The following DYM variants were observed in gnomAD, a reference collection of about 807,000 sequenced individuals.
DYM encodes the protein dymeclin.
In DYM, 78 loss-of-function variants were observed where a neutral mutation model predicts 93.1. The observed-to-expected ratio is 0.84, with a 90% CI of 0.70 to 1.01. The LOEUF is 1.01. Among genes scored for constraint, DYM ranks in the 50% least tolerant of loss-of-function variants. The probability of loss-of-function intolerance (pLI) is 0.00; values close to 1 mark genes in which losing one functional copy is unlikely to be tolerated. For missense variants in DYM, 789 were observed against 845.0 expected, an observed-to-expected ratio of 0.93 and a Z score of 0.82; for synonymous variants, 321 against 319.7, an observed-to-expected ratio of 1.00 and a Z score of -0.04.
intron 8 of DYM, among the ~76,000 whole-genome samples, chr18:49,287,298 G>A (rs1451248799): frequency 1.3e-5 from 2 of 150,384 alleles, no homozygotes; most frequent in Non-Finnish European, 3.0e-5. Flanking sequence ...TAAAAAATAT[G>A]GTCATCTCGA....
intron 8 of DYM, among the ~76,000 whole-genome samples, chr18:49,289,764 T>A (rs1279605320): frequency 2.1e-5 from 1 of 48,472 alleles, no homozygotes; most frequent in African/African-American, 8.2e-5. Flanking sequence ...TATATATATA[T>A]ATATATATAC....
At chr18:49,260,151 A>G (rs530275106) in intron 11 of DYM, among the ~76,000 whole-genome samples, 2 of 152,214 alleles carry the variant, frequency 1.3e-5, no homozygotes, top group Non-Finnish European at 2.9e-5. Flanking sequence ...TGATGTCTGT[A>G]TTCCCAGCAC....
intron 17 of DYM, among the ~76,000 whole-genome samples, chr18:49,067,210 G>GTGT (rs1568365790): frequency 9.6e-4 from 43 of 44,644 alleles, no homozygotes; most frequent in South Asian, 1.5e-3. Flanking sequence ...GGTGATGTGA[G>GTGT]CACTATGCAG....
chr18:49,425,222 C>T (rs1203300516), intron 2 of DYM, among the ~76,000 whole-genome samples: 1 of 151,974 alleles, frequency 6.6e-6, no homozygotes, highest in Non-Finnish European at 1.5e-5. Flanking sequence ...CAGAACAGAG[C>T]CCTCAGAAAT....
intron 17 of DYM, among the ~76,000 whole-genome samples, chr18:49,071,481 G>A (rs2076885914): frequency 6.6e-6 from 1 of 152,246 alleles, no homozygotes; most frequent in African/African-American, 2.4e-5. Flanking sequence ...TCCCCGTGAT[G>A]AACAGAGAAG....
At chr18:49,326,648 A>AG (rs1410639386) in intron 8 of DYM, among the ~76,000 whole-genome samples, 2 of 152,172 alleles carry the variant, frequency 1.3e-5, no homozygotes, top group Admixed American at 1.3e-4. Flanking sequence ...GAAGGAAGAG[A>AG]GGTGGATCCT....
intron 15 of DYM, among the ~76,000 whole-genome samples, chr18:49,150,224 A>C (rs759783200): frequency 6.6e-6 from 1 of 152,230 alleles, no homozygotes; most frequent in Non-Finnish European, 1.5e-5. Context: ...ATGAAACTTA[A>C]GAGAGATCAT....
chr18:49,174,702 G>C (rs1298413563), intron 14 of DYM, among the ~76,000 whole-genome samples: 1 of 152,126 alleles, frequency 6.6e-6, no homozygotes, highest in Non-Finnish European at 1.5e-5. Context: ...AACTAGAAAG[G>C]GTGAGAAAGC....
chr18:49,402,165 A>T (rs546807396), intron 2 of DYM, among the ~76,000 whole-genome samples: 1 of 152,330 alleles, frequency 6.6e-6, no homozygotes, highest in East Asian at 1.9e-4. Flanking sequence ...GACAACTGTC[A>T]TCAACCTCAA....
At chr18:49,104,200 T>G (rs1207486045) in intron 16 of DYM, among the ~76,000 whole-genome samples, 2 of 152,184 alleles carry the variant, frequency 1.3e-5, no homozygotes, top group African/African-American at 4.8e-5. Flanking sequence ...CACTCATGAT[T>G]TGGCTCTCTG....
chr18:49,233,020 G>T (rs542308650), intron 13 of DYM, among the ~76,000 whole-genome samples: 5 of 152,120 alleles, frequency 3.3e-5, no homozygotes, highest in Non-Finnish European at 7.4e-5. Context: ...TACATGGATT[G>T]GTTACAAACT....
chr18:49,426,680 T>C (rs527676682), intron 2 of DYM, among the ~76,000 whole-genome samples: 2 of 151,402 alleles, frequency 1.3e-5, no homozygotes, highest in African/African-American at 2.4e-5. Flanking sequence ...AATAAAACCA[T>C]AAGGACCACT....
intron 5 of DYM, among the ~76,000 whole-genome samples, chr18:49,372,777 T>A (rs1192799243): frequency 1.3e-5 from 2 of 151,862 alleles, no homozygotes; most frequent in Non-Finnish European, 2.9e-5. Flanking sequence ...AATCCTGAAC[T>A]GTCAACTCTG....
At chr18:49,457,268 C>A (rs546110914) in intron 1 of DYM, among the ~76,000 whole-genome samples, 2 of 152,164 alleles carry the variant, frequency 1.3e-5, no homozygotes, top group Non-Finnish European at 2.9e-5. Flanking sequence ...GAGTCCCTGC[C>A]TTCTCATCCT....
chr18:49,041,933 C>T lies in DYM; in HGVS notation c.*2122G>A, dbSNP rs1239510778. On this transcript the variant is annotated 3_prime_UTR_variant, in exon 18 of 18. Transcript: ENST00000675505. ...CAGACTCAGAGGACAGTTCTGTGGT[C>T]CTGCCAGAAGCTCAGCTGTTCCACA... is the stretch of plus-strand genomic sequence containing the variant. 2.6e-5 allele frequency: 4 copies of T among 152,156 alleles called. No individual in the cohort carries two copies. The highest frequency in any genetic ancestry group is 5.9e-5 in the Non-Finnish European group (4 of 68,036). 9.4% of individuals were successfully genotyped at this position (152,156 alleles called of 1,614,324 possible).
chr18:49,221,568 A>C (rs976641746), intron 13 of DYM, among the ~76,000 whole-genome samples: 12 of 152,230 alleles, frequency 7.9e-5, no homozygotes, highest in African/African-American at 2.4e-4. Context: ...ATGGAATACT[A>C]TGCAGCCATA....
intron 2 of DYM, among the ~76,000 whole-genome samples, 171 bp downstream of exon 2, chr18:49,430,084 A>C (rs987804881): frequency 6.6e-6 from 1 of 152,214 alleles, no homozygotes; most frequent in African/African-American, 2.4e-5. Context: ...AGTTGGGTAA[A>C]AAGAAAAGCT....
chr18:49,213,947 A>G (rs2092913654), intron 13 of DYM, among the ~76,000 whole-genome samples: 1 of 152,246 alleles, frequency 6.6e-6, no homozygotes, highest in Admixed American at 6.5e-5. Flanking sequence ...TTAAGAATGC[A>G]ATTATCCTTC....
At chr18:49,163,174 ATTTT>A (rs1209605691) in intron 15 of DYM, among the ~76,000 whole-genome samples, 2 of 151,978 alleles carry the variant, frequency 1.3e-5, no homozygotes, top group Non-Finnish European at 2.9e-5. Context: ...TTTAAGGTTG[ATTTT>A]CTTCAACCAC....
Sources: gnomAD v4.1 joint callset for allele counts (sites outside exome capture counted in the v4.1 genomes callset) on GRCh38, gnomAD v4.1.1 for gene constraint, MANE v1.5 for transcripts, NCBI Gene and HGNC (gene_info 2026-07-23, HGNC 2026-07-21) for gene names.